Variants in PTPRD observed in about 807,000 individuals in gnomAD.
The protein encoded by PTPRD is protein tyrosine phosphatase receptor type D, also known as receptor-type tyrosine-protein phosphatase delta.
PTPRD carries 34 observed loss-of-function variants against 214.5 expected under a neutral mutation model. The observed-to-expected ratio is 0.16, with a 90% CI of 0.12 to 0.21. PTPRD has a LOEUF of 0.21. PTPRD is among the 10% of genes least tolerant of loss of function. The probability of loss-of-function intolerance (pLI) is 1.00; values close to 1 mark genes in which losing one functional copy is unlikely to be tolerated. For missense variants in PTPRD, 2,545 were observed against 2,398.7 expected, an observed-to-expected ratio of 1.06 and a Z score of -1.27; for synonymous variants, 1,128 against 845.7, an observed-to-expected ratio of 1.33 and a Z score of -5.79.
intron 2 of PTPRD, among the ~76,000 whole-genome samples, chr9:10,421,687 T>C (rs10809092): frequency 0.086 from 12,995 of 151,916 alleles, 1,316 homozygotes; most frequent in East Asian, 0.56. Flanking sequence ...GGTTTCTAAA[T>C]GTACATTCTA....
intron 10 of PTPRD, among the ~76,000 whole-genome samples, chr9:9,059,014 G>C (rs1467046864): frequency 1.3e-5 from 2 of 152,106 alleles, no homozygotes; most frequent in Non-Finnish European, 1.5e-5. Flanking sequence ...CTGCCCAGTA[G>C]AACAGGGTAG....
chr9:8,981,480 G>T (rs893465179), intron 11 of PTPRD, among the ~76,000 whole-genome samples: 9 of 151,920 alleles, frequency 5.9e-5, no homozygotes, highest in Non-Finnish European at 8.8e-5. Context: ...ACTGGATTTG[G>T]ATTTTCAATA....
intron 11 of PTPRD, among the ~76,000 whole-genome samples, chr9:8,749,213 G>A (rs529087074): frequency 3.3e-5 from 5 of 151,972 alleles, no homozygotes; most frequent in Non-Finnish European, 7.4e-5. Context: ...ACAGAGTCTC[G>A]CTCTGTCGCC....
chr9:8,345,785 G>A (rs563082062), intron 39 of PTPRD, among the ~76,000 whole-genome samples: 15 of 151,964 alleles, frequency 9.9e-5, no homozygotes, highest in Non-Finnish European at 1.3e-4. Flanking sequence ...ACTGGCATCC[G>A]TTCAGACTGT....
chr9:9,451,797 T>G (rs997752477), intron 8 of PTPRD, among the ~76,000 whole-genome samples: 2 of 151,430 alleles, frequency 1.3e-5, no homozygotes, highest in Non-Finnish European at 3.0e-5. Flanking sequence ...AATACAAAAA[T>G]TAATTTTAGA....
intron 2 of PTPRD, among the ~76,000 whole-genome samples, chr9:10,352,940 A>T (rs1422718124): frequency 1.3e-5 from 2 of 151,942 alleles, no homozygotes. Context: ...TCATAAAATA[A>T]ATATTAACTT....
At chr9:9,368,936 A>C (rs1306591886) in intron 9 of PTPRD, among the ~76,000 whole-genome samples, 1 of 151,658 alleles carries the variant, frequency 6.6e-6, no homozygotes, top group Admixed American at 6.6e-5. Flanking sequence ...AACAGTCCCC[A>C]GTGTAGGATG....
chr9:9,190,559 C>T (rs185476361), intron 9 of PTPRD, among the ~76,000 whole-genome samples: 12 of 152,078 alleles, frequency 7.9e-5, no homozygotes, highest in South Asian at 2.1e-4. Context: ...ACTAATACAA[C>T]GAGTTAGCCC....
At chr9:10,508,793 G>A (rs925713603) in intron 2 of PTPRD, among the ~76,000 whole-genome samples, 3 of 151,996 alleles carry the variant, frequency 2.0e-5, no homozygotes, top group African/African-American at 7.2e-5. Context: ...GGGGCCTGTC[G>A]TGGGGTGGGG....
intron 2 of PTPRD, among the ~76,000 whole-genome samples, chr9:10,452,388 G>C (rs893485474): frequency 6.7e-6 from 1 of 149,880 alleles, no homozygotes; most frequent in Non-Finnish European, 1.5e-5. Context: ...ATTTTTTTTT[G>C]AAGATCATTC....
chr9:10,155,748 A>C (rs2099088754), intron 3 of PTPRD, among the ~76,000 whole-genome samples: 2 of 152,168 alleles, frequency 1.3e-5, no homozygotes, highest in Non-Finnish European at 2.9e-5. Context: ...AATCACATTC[A>C]TTGATTTGCC....
At chr9:8,483,246 A>C (rs1414289999) in intron 30 of PTPRD, among the ~76,000 whole-genome samples, 1 of 152,152 alleles carries the variant, frequency 6.6e-6, no homozygotes, top group East Asian at 1.9e-4. Context: ...TGAATTTTCT[A>C]ATGTTTATAT....
At chr9:10,245,812 G>A (rs577463222) in intron 3 of PTPRD, among the ~76,000 whole-genome samples, 1 of 152,072 alleles carries the variant, frequency 6.6e-6, no homozygotes, top group Non-Finnish European at 1.5e-5. Context: ...TATGAAGGGT[G>A]CAAGCTAAGT....
chr9:9,275,349 T>C (rs562923075), intron 9 of PTPRD, among the ~76,000 whole-genome samples: 1 of 148,216 alleles, frequency 6.7e-6, no homozygotes, highest in Non-Finnish European at 1.5e-5. Context: ...AAAAAACTTA[T>C]ATTGTAAAAT....
intron 5 of PTPRD, among the ~76,000 whole-genome samples, chr9:9,914,359 A>C (rs961083843): frequency 3.0e-4 from 46 of 152,186 alleles, no homozygotes; most frequent in African/African-American, 1.1e-3. Flanking sequence ...GGGCCAGGAA[A>C]ACAGCAAAGA....
intron 3 of PTPRD, among the ~76,000 whole-genome samples, chr9:10,197,187 A>G (rs2099401699): frequency 6.6e-6 from 1 of 150,614 alleles, no homozygotes; most frequent in Non-Finnish European, 1.5e-5. Flanking sequence ...CCACCCCACC[A>G]CTCCCTTTTG....
At chr9:8,403,202 C>T (rs999530733) in intron 36 of PTPRD, among the ~76,000 whole-genome samples, 3 of 152,110 alleles carry the variant, frequency 2.0e-5, no homozygotes, top group African/African-American at 4.8e-5. Context: ...TAAAATAAAG[C>T]GGTGGTCAGC....
At chr9:9,908,734 G>T (rs895318528) in intron 5 of PTPRD, among the ~76,000 whole-genome samples, 1 of 151,928 alleles carries the variant, frequency 6.6e-6, no homozygotes, top group Non-Finnish European at 1.5e-5. Context: ...AATATATCAA[G>T]TATTTCAGGA....
At chr9:9,599,471 G>T (rs1246829795) in intron 7 of PTPRD, among the ~76,000 whole-genome samples, 1 of 152,016 alleles carries the variant, frequency 6.6e-6, no homozygotes, top group Non-Finnish European at 1.5e-5. Flanking sequence ...CCTGGGCTGG[G>T]TGTGGATACA....
Sources: gnomAD v4.1 joint callset for allele counts (sites outside exome capture counted in the v4.1 genomes callset) on GRCh38, gnomAD v4.1.1 for gene constraint, MANE v1.5 for transcripts, NCBI Gene and HGNC (gene_info 2026-07-23, HGNC 2026-07-21) for gene names.